KCNC2: variants seen among roughly 807,000 people sequenced by gnomAD.
The protein encoded by KCNC2 is potassium voltage-gated channel subfamily C member 2, also known as voltage-gated potassium channel KCNC2.
KCNC2 carries 21 observed loss-of-function variants against 44.5 expected under a neutral mutation model. That is an observed-to-expected ratio of 0.47 (90% CI 0.33 to 0.68). The LOEUF is 0.68. Ranked by LOEUF, KCNC2 falls within the 30% of genes least tolerant of loss-of-function variation. KCNC2 has a pLI of 0.01. For missense variants in KCNC2, 589 were observed against 826.2 expected, an observed-to-expected ratio of 0.71 and a Z score of 3.52; for synonymous variants, 391 against 339.1, an observed-to-expected ratio of 1.15 and a Z score of -1.68.
At position 75,042,946 on chromosome 12, in the gene KCNC2, AC is replaced by A. The variant is rs1880077012; in HGVS notation, c.*158del. The A allele has an allele frequency of 2.1e-6, 3 of 1,412,164 alleles. No individual in the cohort carries two copies. The South Asian group carries it at 4.9e-5, about 23-fold the overall frequency. 87.5% of individuals were successfully genotyped at this position (1,412,164 alleles called of 1,614,324 possible). On this transcript the variant is annotated 3_prime_UTR_variant, in exon 5 of 5. Transcript: ENST00000549446. ...AAAGCCTGGGTAAGATTCATTAGCT[AC>A]CCAAGTGGCATTTCTGACTTCAAAT... is the stretch of plus-strand genomic sequence containing the variant.
chr12:75,129,828 AT>A (rs1297907290), intron 2 of KCNC2, among the ~76,000 whole-genome samples: 1 of 152,194 alleles, frequency 6.6e-6, no homozygotes, highest in African/African-American at 2.4e-5. Context: ...AGTTTAATCC[AT>A]TTTAGAAGGC....
chr12:75,159,635 C>G (rs1000143501), intron 2 of KCNC2, among the ~76,000 whole-genome samples: 3 of 151,854 alleles, frequency 2.0e-5, no homozygotes, highest in Non-Finnish European at 4.4e-5. Context: ...CATCGCTGGA[C>G]TAGGAGGTTT....
At chr12:75,175,987 T>A (rs1191481889) in intron 2 of KCNC2, among the ~76,000 whole-genome samples, 1 of 152,118 alleles carries the variant, frequency 6.6e-6, no homozygotes, top group African/African-American at 2.4e-5. Flanking sequence ...CAAATTTAAC[T>A]GGATGTACTA....
At chr12:75,094,376 A>T (rs986166610) in intron 2 of KCNC2, among the ~76,000 whole-genome samples, 1 of 151,662 alleles carries the variant, frequency 6.6e-6, no homozygotes, top group Non-Finnish European at 1.5e-5. Context: ...AACTGAACAG[A>T]GTAACAGACT....
chr12:75,128,048 C>T (rs1270789322), intron 2 of KCNC2, among the ~76,000 whole-genome samples: 1 of 151,952 alleles, frequency 6.6e-6, no homozygotes, highest in African/African-American at 2.4e-5. Context: ...GTAATAATCA[C>T]AAAATTATAC....
intron 2 of KCNC2, among the ~76,000 whole-genome samples, chr12:75,067,061 C>G (rs1473900483): frequency 6.6e-6 from 1 of 151,864 alleles, no homozygotes; most frequent in East Asian, 1.9e-4. Flanking sequence ...AATTAGCCAG[C>G]CGTGGTGGCA....
At position 75,040,220 on chromosome 12, in the gene KCNC2, A is replaced by G. The variant is rs1331437434; in HGVS notation, c.*2885T>C. On this transcript the variant is annotated 3_prime_UTR_variant, in exon 5 of 5. Coordinates refer to ENST00000549446, the MANE Select transcript of KCNC2 (RefSeq NM_139137.4). ...TTGAAATGTTCACAAAAGGTCCACGATACAGGGATTTATAATAGGCTATAT... is the reference window on the plus strand; with the variant it reads ...TTGAAATGTTCACAAAAGGTCCACGGTACAGGGATTTATAATAGGCTATAT... 8.6e-5 allele frequency: 13 copies of G among 152,036 alleles called. No homozygotes were observed. Among genetic ancestry groups the G allele is most frequent in the Admixed American group, 8.5e-4 (13 of 15,232 alleles). The allele number at this position is 152,036 out of a possible 1,614,324, so 9.4% of individuals were successfully genotyped here. A position where few individuals can be genotyped will look rare whatever the true frequency, so the allele number is the denominator to read the frequency against.
At chr12:75,103,986 T>A (rs775745834) in intron 2 of KCNC2, among the ~76,000 whole-genome samples, 76 of 152,170 alleles carry the variant, frequency 5.0e-4, no homozygotes, top group Non-Finnish European at 5.9e-4. Context: ...GTGGTGTGAG[T>A]GTTAGGCTAC....
chr12:75,083,154 TA>T (rs34502908), intron 2 of KCNC2, among the ~76,000 whole-genome samples: 4 of 151,490 alleles, frequency 2.6e-5, no homozygotes, highest in African/African-American at 4.8e-5. Flanking sequence ...AATATTTTGT[TA>T]AAAAAAGTAC....
At chr12:75,181,247 T>C (rs1892552443) in intron 2 of KCNC2, among the ~76,000 whole-genome samples, 1 of 152,194 alleles carries the variant, frequency 6.6e-6, no homozygotes, top group Non-Finnish European at 1.5e-5. Context: ...AATTTTCCAT[T>C]CTTATTTTAA....
At chr12:75,063,232 C>T (rs1882513691) in intron 2 of KCNC2, among the ~76,000 whole-genome samples, 1 of 151,950 alleles carries the variant, frequency 6.6e-6, no homozygotes, top group South Asian at 2.1e-4. Flanking sequence ...GTACATCCAA[C>T]ATTATTTGTT....
intron 2 of KCNC2, among the ~76,000 whole-genome samples, chr12:75,184,170 G>C (rs1170131597): frequency 6.6e-6 from 1 of 152,076 alleles, no homozygotes; most frequent in Non-Finnish European, 1.5e-5. Flanking sequence ...GCTTAGCTCA[G>C]CTTTTCTAGA....
intron 2 of KCNC2, among the ~76,000 whole-genome samples, chr12:75,098,689 G>A (rs1298755216): frequency 6.6e-6 from 1 of 151,950 alleles, no homozygotes; most frequent in African/African-American, 2.4e-5. Context: ...AACTCAGGAG[G>A]CAGAGGCTGC....
Position 75,209,541 on chromosome 12 carries a change from G to A in KCNC2, c.-354C>T, listed in dbSNP as rs1026596427. 1 of 152,240 alleles carries A rather than the reference G, an allele frequency of 6.6e-6. No homozygotes were observed. The highest frequency in any genetic ancestry group is 1.5e-5 in the Non-Finnish European group (1 of 68,094). 9.4% of individuals were successfully genotyped at this position (152,240 alleles called of 1,614,324 possible). On this transcript the variant is annotated 5_prime_UTR_variant, in exon 1 of 5. Coordinates refer to ENST00000549446, the MANE Select transcript of KCNC2 (RefSeq NM_139137.4). ...CCAGCCGGCACTGCCCGACCCCTCCGGGAGCGGGCAGATCGGCTGGCCGTG... is the reference window on the plus strand; with the variant it reads ...CCAGCCGGCACTGCCCGACCCCTCCAGGAGCGGGCAGATCGGCTGGCCGTG...
chr12:75,073,009 A>G (rs933315610), intron 2 of KCNC2, among the ~76,000 whole-genome samples: 1 of 152,248 alleles, frequency 6.6e-6, no homozygotes, highest in South Asian at 2.1e-4. Context: ...TCCAAAAAAA[A>G]CCCAAATCTG....
chr12:75,189,466 T>A (rs952656360), intron 2 of KCNC2, among the ~76,000 whole-genome samples: 1 of 152,158 alleles, frequency 6.6e-6, no homozygotes, highest in African/African-American at 2.4e-5. Context: ...GCCTTTGGGG[T>A]CTAGCTTACT....
chr12:75,137,517 G>A (rs1475403160), intron 2 of KCNC2, among the ~76,000 whole-genome samples: 1 of 151,944 alleles, frequency 6.6e-6, no homozygotes, highest in Non-Finnish European at 1.5e-5. Context: ...AAAACAAAAT[G>A]GTTAAAAGAA....
rs145156804 is a variant in KCNC2 at position 75,129,039 on chromosome 12, A to G, written c.688-77722T>C. 2.3e-3 allele frequency among the ~76,000 whole-genome samples: 354 copies of G among 152,360 alleles called. 2 individuals carry two copies. The highest frequency in any genetic ancestry group is 8.0e-3 in the African/African-American group (333 of 41,590). ...CAAATAGCCATTTAAAGCATGGTTC[A>G]TAATGAGGTTACCAGGGTGCCAACT... is the stretch of plus-strand genomic sequence containing the variant. On this transcript the variant is annotated intron_variant, in intron 2 of 4. Transcript: ENST00000549446.
chr12:75,116,315 A>C (rs1334576794), intron 2 of KCNC2, among the ~76,000 whole-genome samples: 1 of 152,186 alleles, frequency 6.6e-6, no homozygotes, highest in Non-Finnish European at 1.5e-5. Flanking sequence ...TGCCTCAAAG[A>C]GAATATCAGA....
Sources: allele counts gnomAD v4.1 joint callset (sites outside exome capture counted in the v4.1 genomes callset), GRCh38; gene constraint gnomAD v4.1.1; transcripts MANE v1.5; gene names NCBI Gene and HGNC (gene_info 2026-07-23, HGNC 2026-07-21).